Variants in SKAP1 observed in about 807,000 individuals in gnomAD.
The protein encoded by SKAP1 is src kinase associated phosphoprotein 1, also known as src kinase-associated phosphoprotein 1.
Under a neutral mutation model 58.5 loss-of-function variants are expected in SKAP1, and 44 were observed. The observed-to-expected ratio is 0.75, with a 90% CI of 0.59 to 0.97. SKAP1 has a LOEUF of 0.97. SKAP1 is among the 50% of genes least tolerant of loss of function. The pLI, the probability that SKAP1 is intolerant of heterozygous loss-of-function variation, is 0.00. For missense variants in SKAP1, 390 were observed against 435.2 expected (o/e 0.90, Z 0.92); for synonymous variants, 127 against 149.7 (o/e 0.85, Z 1.11).
At position 48,364,522 on chromosome 17, in the gene SKAP1, A is replaced by G. The variant is rs553632152; in HGVS notation, c.153-708T>C. Among the ~76,000 whole-genome samples the G allele has an allele frequency of 2.3e-3, 352 of 152,232 alleles. 1 individual carries two copies. Among genetic ancestry groups the G allele is most frequent in the African/African-American group, 8.3e-3 (344 of 41,552 alleles). ...AAACCCTGTCTCTACTAAAAATATA[A>G]AAATTAGCTGGGCATGGTGGCGTGT... is the stretch of plus-strand genomic sequence containing the variant. On this transcript the variant is annotated intron_variant, in intron 2 of 12. Transcript: ENST00000336915.
chr17:48,394,289 T>C (rs2067387935), intron 2 of SKAP1, among the ~76,000 whole-genome samples: 1 of 152,160 alleles, frequency 6.6e-6, no homozygotes, highest in South Asian at 2.1e-4. Flanking sequence ...TCTTCATTAA[T>C]TTTAATTATT....
intron 4 of SKAP1, chr17:48,307,840 A>T (rs1025994295): frequency 4.6e-5 from 7 of 152,140 alleles, no homozygotes; most frequent in African/African-American, 9.7e-5. Flanking sequence ...CTACAGCTTC[A>T]GTGTTATTGT....
intron 4 of SKAP1, among the ~76,000 whole-genome samples, chr17:48,237,215 G>T (rs187966861): frequency 8.9e-4 from 135 of 152,262 alleles, no homozygotes; most frequent in Admixed American, 1.7e-3. Flanking sequence ...GATTTTCAGG[G>T]CTATGGTAAA....
chr17:48,406,152 C>CTA, intron 1 of SKAP1, among the ~76,000 whole-genome samples: 1 of 147,696 alleles, frequency 6.8e-6, no homozygotes, highest in East Asian at 2.0e-4. Context: ...GTAGTCCCAG[C>CTA]CACATGGGAG....
At chr17:48,250,272 GTTTTTTTTTTTT>G (rs755523173) in intron 4 of SKAP1, among the ~76,000 whole-genome samples, 1 of 74,036 alleles carries the variant, frequency 1.4e-5, no homozygotes, top group Non-Finnish European at 2.6e-5. Flanking sequence ...GCCATAGACA[GTTTTTTTTTTTT>G]TTTTTTTTTT....
chr17:48,322,819 G>A (rs2144229597), intron 4 of SKAP1, among the ~76,000 whole-genome samples: 1 of 152,344 alleles, frequency 6.6e-6, no homozygotes, highest in South Asian at 2.1e-4. Context: ...AGAATGGCTG[G>A]GCGTGGCGGC....
chr17:48,305,854 CT>C (rs1184988884), intron 4 of SKAP1, among the ~76,000 whole-genome samples: 1 of 151,998 alleles, frequency 6.6e-6, no homozygotes, highest in Non-Finnish European at 1.5e-5. Context: ...ATTATATTGC[CT>C]TTTTTATTTT....
At chr17:48,251,683 T>C (rs941852084) in intron 4 of SKAP1, among the ~76,000 whole-genome samples, 5 of 152,170 alleles carry the variant, frequency 3.3e-5, no homozygotes, top group Non-Finnish European at 5.9e-5. Context: ...AGCTATAAAA[T>C]TGATTAAAAC....
At chr17:48,197,237 G>A (rs1245089853) in intron 4 of SKAP1, among the ~76,000 whole-genome samples, 1 of 124,428 alleles carries the variant, frequency 8.0e-6, no homozygotes, top group Non-Finnish European at 1.6e-5. Context: ...CAGTCTAGGT[G>A]ATAGAGCGAG....
intron 10 of SKAP1, among the ~76,000 whole-genome samples, chr17:48,167,694 G>A (rs1339930815): frequency 1.3e-5 from 2 of 152,108 alleles, no homozygotes; most frequent in Non-Finnish European, 2.9e-5. Flanking sequence ...AAGGAGGTAC[G>A]GGTGGGAGGG....
chr17:48,363,830 G>GA lies in SKAP1; in HGVS notation c.153-17dup, dbSNP rs539780871. On this transcript the variant is annotated splice_polypyrimidine_tract_variant and intron_variant, in intron 2 of 12. Coordinates refer to ENST00000336915, the MANE Select transcript of SKAP1 (RefSeq NM_003726.4). ...CCAATAGTACCTGAAATACAAGGGG[G>GA]AAAAAAAAAGGGAATAAGTCAAACT... 7.9e-4 allele frequency: 1,217 copies of GA among 1,549,322 alleles called. No homozygotes were observed. The highest frequency in any genetic ancestry group is 1.4e-3 in the South Asian group (117 of 83,948).
the SKAP1 span, among the ~76,000 whole-genome samples, chr17:48,439,368 A>G: frequency 2.0e-5 from 3 of 152,228 alleles, no homozygotes; most frequent in African/African-American, 4.8e-5. Context: ...ATTCATGTTC[A>G]TTTTATGCTC....
intron 3 of SKAP1, among the ~76,000 whole-genome samples, chr17:48,363,337 A>G (rs2066960355): frequency 6.6e-6 from 1 of 152,200 alleles, no homozygotes; most frequent in African/African-American, 2.4e-5. Flanking sequence ...TCCATTTCTG[A>G]CATTTCTCTG....
At chr17:48,162,874 T>A (rs576355125) in intron 10 of SKAP1, among the ~76,000 whole-genome samples, 3 of 152,222 alleles carry the variant, frequency 2.0e-5, no homozygotes, top group Non-Finnish European at 4.4e-5. Flanking sequence ...GGTTTGTAAG[T>A]AAGCAGTGCA....
At chr17:48,424,150 T>G (rs886531768) in intron 1 of SKAP1, among the ~76,000 whole-genome samples, 2 of 152,186 alleles carry the variant, frequency 1.3e-5, no homozygotes, top group African/African-American at 4.8e-5. Context: ...GGCCTGCTTT[T>G]TGGTTCATAG....
At chr17:48,320,302 A>C (rs2066345119) in intron 4 of SKAP1, among the ~76,000 whole-genome samples, 1 of 152,180 alleles carries the variant, frequency 6.6e-6, no homozygotes. Flanking sequence ...CTATTCTGAG[A>C]GGTATAATAA....
intron 8 of SKAP1, among the ~76,000 whole-genome samples, chr17:48,181,281 T>C (rs79494666): frequency 6.6e-6 from 1 of 152,208 alleles, no homozygotes; most frequent in Non-Finnish European, 1.5e-5. Flanking sequence ...ATGAATAATT[T>C]CTTCAATGTG....
rs749780174 is a variant in SKAP1 at position 48,159,457 on chromosome 17, A to G, written c.978+3012T>C. Among the ~76,000 whole-genome samples the G allele has an allele frequency of 3.7e-4, 56 of 152,304 alleles. 1 individual carries two copies. Among genetic ancestry groups the G allele is most frequent in the South Asian group, 8.3e-4 (4 of 4,830 alleles). ...ACAGCAGGCCCTTCTTGTCCAACAG[A>G]GCTTCTACTGGACAAAAAGAAAAGT... On this transcript the variant is annotated intron_variant, in intron 11 of 12. Coordinates refer to ENST00000336915, the MANE Select transcript of SKAP1 (RefSeq NM_003726.4).
chr17:48,332,092 G>GT (rs1301255448), intron 4 of SKAP1, among the ~76,000 whole-genome samples: 1 of 151,732 alleles, frequency 6.6e-6, no homozygotes, highest in Non-Finnish European at 1.5e-5. Context: ...ATTTTAGTTT[G>GT]TTTTTTAAAA....
Sources: allele counts gnomAD v4.1 joint callset (sites outside exome capture counted in the v4.1 genomes callset), GRCh38; gene constraint gnomAD v4.1.1; transcripts MANE v1.5; gene names NCBI Gene and HGNC (gene_info 2026-07-23, HGNC 2026-07-21).